ATP6V1H: variants seen among roughly 807,000 people sequenced by gnomAD.
ATP6V1H encodes V-type proton ATPase subunit H.
In ATP6V1H, 39 loss-of-function variants were observed where a neutral mutation model predicts 71.7. That is an observed-to-expected ratio of 0.54 (90% CI 0.42 to 0.71). ATP6V1H has a LOEUF of 0.71. Among genes scored for constraint, ATP6V1H ranks in the 30% least tolerant of loss-of-function variants. ATP6V1H has a pLI of 0.00. For synonymous variants in ATP6V1H, 192 were observed against 199.3 expected (o/e 0.96, Z 0.31); for missense variants, 509 against 594.9 (o/e 0.86, Z 1.50).
intron 7 of ATP6V1H, chr8:53,806,780 G>T: frequency 2.3e-6 from 1 of 443,190 alleles, no homozygotes. Flanking sequence ...ATATCTCCAG[G>T]CAATCCTTCC....
At chr8:53,735,393 A>G (rs79971658) in intron 13 of ATP6V1H, among the ~76,000 whole-genome samples, 1 of 152,256 alleles carries the variant, frequency 6.6e-6, no homozygotes, top group Non-Finnish European at 1.5e-5. Context: ...TAAAGATCAC[A>G]TGAAAACTAC....
At chr8:53,740,169 CAG>C (rs1157063676) in intron 13 of ATP6V1H, among the ~76,000 whole-genome samples, 3 of 152,156 alleles carry the variant, frequency 2.0e-5, no homozygotes, top group African/African-American at 7.2e-5. Flanking sequence ...CTCCTTATAA[CAG>C]AATCAAAATC....
intron 11 of ATP6V1H, among the ~76,000 whole-genome samples, chr8:53,765,703 C>A (rs1256941888): frequency 6.6e-6 from 1 of 152,142 alleles, no homozygotes; most frequent in Non-Finnish European, 1.5e-5. Context: ...ATCAACTGTT[C>A]CCAACTTGAT....
In ATP6V1H at chr8:53,833,029, T is replaced by G. The variant is rs2130529136; in HGVS notation, c.171A>C (p.Arg57=). The part of the protein sequence containing the change: ...CEFIQRFEMK[R]SPEEKQEMLQ... ...GCATCTCTTGCTTCTCTTCAGGGCT[T>G]CGTTTCATTTCAAACCTCTGAATAA... The change falls in exon 3 of 14, where the codon CGA becomes CGC. Residue 57 remains arginine (R), a synonymous_variant. Coordinates refer to ENST00000359530, the MANE Select transcript of ATP6V1H (RefSeq NM_015941.4). 1 of 1,614,020 alleles carries G rather than the reference T, an allele frequency of 6.2e-7. No homozygotes were observed. The highest frequency in any genetic ancestry group is 1.1e-5 in the South Asian group (1 of 91,044).
intron 9 of ATP6V1H, among the ~76,000 whole-genome samples, chr8:53,794,748 T>C (rs924134946): frequency 2.0e-5 from 3 of 152,204 alleles, no homozygotes; most frequent in Non-Finnish European, 4.4e-5. Context: ...GCCAACATTC[T>C]GGATTTGCAT....
At position 53,817,413 on chromosome 8, in the gene ATP6V1H, T is replaced by G; in HGVS notation, c.420+4A>C. On this transcript the variant is annotated splice_donor_region_variant and intron_variant, in intron 5 of 13. Coordinates refer to ENST00000359530, the MANE Select transcript of ATP6V1H (RefSeq NM_015941.4). ...AAAAAGAATCCAATCAATTCAAAAT[T>G]TACCATATGAACAGTGAAGGGATCC... is the stretch of plus-strand genomic sequence containing the variant. 6.3e-7 allele frequency: 1 copy of G among 1,590,964 alleles called. No homozygotes were observed. Among genetic ancestry groups the G allele is most frequent in the Non-Finnish European group, 8.6e-7 (1 of 1,163,522 alleles).
rs759307143 is a variant in ATP6V1H, at chr8:53,739,933, G to A, written c.1391+3644C>T. 3.3e-5 allele frequency among the ~76,000 whole-genome samples: 5 copies of A among 152,098 alleles called. No homozygotes were observed. The East Asian group carries it at 5.8e-4, about 18-fold the overall frequency. ...CCAGCAACTCTATTCCTCCTCCACC[G>A]CTCCTCACCCACTCTCAGTCAGGGT... is the stretch of plus-strand genomic sequence containing the variant. On this transcript the variant is annotated intron_variant, in intron 13 of 13. Transcript: ENST00000359530.
At position 53,737,058 on chromosome 8, in the gene ATP6V1H, T is replaced by C. The variant is rs182416884; in HGVS notation, c.1391+6519A>G. 2.3e-3 allele frequency among the ~76,000 whole-genome samples: 346 copies of C among 152,342 alleles called. 2 individuals carry two copies. Among genetic ancestry groups the C allele is most frequent in the African/African-American group, 8.1e-3 (335 of 41,584 alleles). On this transcript the variant is annotated intron_variant, in intron 13 of 13. Transcript: ENST00000359530. ...CCCTTGCTTGCTCAATTGATCACAA[T>C]CCTTTCACATGGACCCCCTTAGAGC...
At chr8:53,756,096 A>C in intron 12 of ATP6V1H, among the ~76,000 whole-genome samples, 1 of 121,622 alleles carries the variant, frequency 8.2e-6, no homozygotes, top group African/African-American at 3.1e-5. Flanking sequence ...TTTGAGACAC[A>C]ATCTTGCTCT....
Position 53,832,995 on chromosome 8 carries a change from C to G in ATP6V1H, c.205G>C (p.Glu69Gln), listed in dbSNP as rs770650270. 2.5e-6 allele frequency: 4 copies of G among 1,611,392 alleles called. No homozygotes were observed. The Admixed American group carries it at 6.7e-5, about 27-fold the overall frequency. The change falls in exon 3 of 14, where the codon GAA becomes CAA. Residue 69 changes from glutamate (E) to glutamine (Q), a missense_variant. This residue lies in a region of ATP6V1H where 297 missense variants were observed against 303.3 expected (regional missense o/e 0.98). Transcript: ENST00000359530. ...PEEKQEMLQT[E>Q]GSQCAKTFIN... ...TGTTTATTCATCACCTGGCTGCCTT[C>G]AGTTTGAAGCATCTCTTGCTTCTCT...
intron 9 of ATP6V1H, among the ~76,000 whole-genome samples, chr8:53,772,903 CAA>C (rs201949406): frequency 0.017 from 1,011 of 59,374 alleles, 8 homozygotes; most frequent in African/African-American, 0.033. Flanking sequence ...CTATCAAATG[CAA>C]AAAAAAAAAA....
intron 9 of ATP6V1H, among the ~76,000 whole-genome samples, chr8:53,785,710 GT>G (rs548945175): frequency 1.9e-3 from 282 of 152,254 alleles, no homozygotes; most frequent in African/African-American, 6.4e-3. Context: ...ATACAGATGG[GT>G]TTTTGGAGTG....
At chr8:53,836,520 G>T (rs978660820) in intron 2 of ATP6V1H, among the ~76,000 whole-genome samples, 5 of 152,016 alleles carry the variant, frequency 3.3e-5, no homozygotes, top group African/African-American at 1.2e-4. Flanking sequence ...AGCTAATCAG[G>T]CCCCAGACCT....
At chr8:53,803,499 TG>T (rs1809981646) in intron 7 of ATP6V1H, among the ~76,000 whole-genome samples, 1 of 152,224 alleles carries the variant, frequency 6.6e-6, no homozygotes, top group Non-Finnish European at 1.5e-5. Context: ...TACTAAACTT[TG>T]TTCCAATTTA....
At chr8:53,761,388 A>C (rs1045092424) in intron 11 of ATP6V1H, among the ~76,000 whole-genome samples, 10 of 152,192 alleles carry the variant, frequency 6.6e-5, no homozygotes, top group African/African-American at 2.4e-4. Flanking sequence ...GTTATTCAGA[A>C]AAATCACAGT....
intron 12 of ATP6V1H, among the ~76,000 whole-genome samples, chr8:53,748,218 TG>T: frequency 1.3e-5 from 2 of 151,912 alleles, no homozygotes; most frequent in Middle Eastern, 6.8e-3. Flanking sequence ...GTAAGCTCCA[TG>T]GGGCAAGACT....
At chr8:53,792,788 A>T (rs982841134) in intron 9 of ATP6V1H, among the ~76,000 whole-genome samples, 7 of 152,254 alleles carry the variant, frequency 4.6e-5, no homozygotes, top group African/African-American at 1.7e-4. Flanking sequence ...ATGCATAAAA[A>T]TTACTTAATA....
intron 7 of ATP6V1H, among the ~76,000 whole-genome samples, chr8:53,808,612 C>T (rs1226832516): frequency 2.0e-5 from 3 of 151,662 alleles, no homozygotes; most frequent in African/African-American, 7.3e-5. Context: ...CACCAAAATA[C>T]AAAAAAAATT....
intron 13 of ATP6V1H, among the ~76,000 whole-genome samples, chr8:53,735,231 G>A (rs1460417031): frequency 6.6e-6 from 1 of 152,170 alleles, no homozygotes; most frequent in African/African-American, 2.4e-5. Flanking sequence ...CTGGGTGGGT[G>A]GAGGCTTATC....
Sources: allele counts gnomAD v4.1 joint callset (sites outside exome capture counted in the v4.1 genomes callset), GRCh38; gene constraint gnomAD v4.1.1; regional missense constraint gnomAD v4.1.1; transcripts MANE v1.5; gene names NCBI Gene and HGNC (gene_info 2026-07-23, HGNC 2026-07-21).